RORB: variants seen among roughly 807,000 people sequenced by gnomAD.
The protein encoded by RORB is nuclear receptor ROR-beta.
In RORB, 6 loss-of-function variants were observed where a neutral mutation model predicts 59.1. The ratio of observed to expected loss-of-function variants is 0.10; its 90% confidence interval spans 0.06 to 0.20. The LOEUF (loss-of-function observed/expected upper bound fraction) is 0.20. Ranked by LOEUF, RORB falls within the 10% of genes least tolerant of loss-of-function variation. RORB has a pLI of 1.00. For synonymous variants in RORB, 215 were observed against 204.5 expected, an observed-to-expected ratio of 1.05 and a Z score of -0.44; for missense variants, 320 against 560.5, an observed-to-expected ratio of 0.57 and a Z score of 4.33.
At position 74,521,777 on chromosome 9, in the gene RORB, G is replaced by A. The variant is rs540415279; in HGVS notation, c.7+23794G>A. Among the ~76,000 whole-genome samples, 9 of 151,818 alleles carry A rather than the reference G, an allele frequency of 5.9e-5. No homozygotes were observed. The South Asian group carries it at 1.7e-3, about 28-fold the overall frequency. ...TATCACTGAATACAGTACCTGTCACGAGTGTCTGTTAAATGAAAGCACCAA... is the reference window on the plus strand; with the variant it reads ...TATCACTGAATACAGTACCTGTCACAAGTGTCTGTTAAATGAAAGCACCAA... On this transcript the variant is annotated intron_variant, in intron 1 of 9. Coordinates refer to ENST00000376896, the MANE Select transcript of RORB (RefSeq NM_006914.4).
At chr9:74,553,455 G>GT (rs1196964295) in intron 1 of RORB, among the ~76,000 whole-genome samples, 3 of 152,038 alleles carry the variant, frequency 2.0e-5, no homozygotes, top group African/African-American at 7.2e-5. Flanking sequence ...ATCAGTAACA[G>GT]AACTATAACC....
At position 74,684,653 on chromosome 9, in the gene RORB, T is replaced by C. The variant is rs571604375; in HGVS notation, c.1225-810T>C. Among the ~76,000 whole-genome samples, 27 of 152,304 alleles carry C rather than the reference T, an allele frequency of 1.8e-4. No individual in the cohort carries two copies. The South Asian group carries it at 5.6e-3, about 32-fold the overall frequency. ...AAAAAATTACATCTTACATGATACA[T>C]ATATCAAAACCTAACAATTGTAAGT... On this transcript the variant is annotated intron_variant, in intron 9 of 9. Coordinates refer to ENST00000376896, the MANE Select transcript of RORB (RefSeq NM_006914.4).
At chr9:74,635,104 G>A (rs1823679771) in intron 3 of RORB, among the ~76,000 whole-genome samples, 1 of 152,156 alleles carries the variant, frequency 6.6e-6, no homozygotes, top group South Asian at 2.1e-4. Context: ...GACTTTCAGA[G>A]ATAATACCGG....
chr9:74,537,697 T>TA (rs1826341312), intron 1 of RORB, among the ~76,000 whole-genome samples: 1 of 152,002 alleles, frequency 6.6e-6, no homozygotes, highest in Non-Finnish European at 1.5e-5. Context: ...ATAGAAATAA[T>TA]AAAAAGATGT....
At chr9:74,498,393 C>G (rs899948448) in intron 1 of RORB, 8 of 167,156 alleles carry the variant, frequency 4.8e-5, no homozygotes, top group African/African-American at 4.8e-5. Context: ...TTTGGGCGCG[C>G]GGGGCGCACC....
intron 1 of RORB, among the ~76,000 whole-genome samples, chr9:74,580,330 T>C (rs1255328377): frequency 1.3e-5 from 2 of 152,186 alleles, no homozygotes; most frequent in Non-Finnish European, 2.9e-5. Context: ...TACAGTTGAA[T>C]GTTTTTCTAT....
At chr9:74,661,190 A>G (rs1163008463) in intron 5 of RORB, among the ~76,000 whole-genome samples, 1 of 152,202 alleles carries the variant, frequency 6.6e-6, no homozygotes, top group Non-Finnish European at 1.5e-5. Context: ...TGTTAAAAAG[A>G]ATCCAAAAAA....
intron 8 of RORB, among the ~76,000 whole-genome samples, chr9:74,668,628 A>G (rs553381790): frequency 6.6e-6 from 1 of 152,320 alleles, no homozygotes; most frequent in South Asian, 2.1e-4. Context: ...TAAGCTAGAG[A>G]AAAGAAAATG....
At chr9:74,670,649 G>T (rs186341836) in intron 8 of RORB, among the ~76,000 whole-genome samples, 2 of 152,208 alleles carry the variant, frequency 1.3e-5, no homozygotes, top group East Asian at 3.9e-4. Flanking sequence ...TGCCACCCTG[G>T]CTTAGTGCCA....
chr9:74,684,391 A>T (rs150533896), intron 9 of RORB, among the ~76,000 whole-genome samples: 13 of 152,214 alleles, frequency 8.5e-5, no homozygotes, highest in Non-Finnish European at 1.9e-4. Context: ...GTGTGTCTTT[A>T]GTCAGCCATA....
At chr9:74,592,575 G>A (rs140874469) in intron 1 of RORB, among the ~76,000 whole-genome samples, 2 of 152,274 alleles carry the variant, frequency 1.3e-5, no homozygotes, top group African/African-American at 4.8e-5. Flanking sequence ...ATGATCTGAA[G>A]AGCCAGACCC....
chr9:74,684,459 A>G (rs775286206), intron 9 of RORB, among the ~76,000 whole-genome samples: 10 of 151,190 alleles, frequency 6.6e-5, no homozygotes, highest in Non-Finnish European at 1.5e-4. Context: ...CATATCTCTC[A>G]CAATAATTTA....
intron 4 of RORB, among the ~76,000 whole-genome samples, chr9:74,646,298 T>C (rs982847620): frequency 4.6e-5 from 7 of 152,148 alleles, no homozygotes; most frequent in African/African-American, 1.7e-4. Flanking sequence ...CCAGTCCATA[T>C]AGACTAAGAT....
intron 1 of RORB, among the ~76,000 whole-genome samples, chr9:74,584,222 T>C (rs959655237): frequency 1.3e-5 from 2 of 152,216 alleles, no homozygotes; most frequent in Non-Finnish European, 2.9e-5. Flanking sequence ...GTGGGTTTTG[T>C]TGTAGCTTTT....
intron 9 of RORB, among the ~76,000 whole-genome samples, chr9:74,678,746 A>G (rs1027752094): frequency 6.6e-6 from 1 of 152,140 alleles, no homozygotes; most frequent in African/African-American, 2.4e-5. Context: ...ATGATTAATA[A>G]TGGGATGGGC....
At chr9:74,515,541 A>G (rs1220595462) in intron 1 of RORB, among the ~76,000 whole-genome samples, 2 of 152,014 alleles carry the variant, frequency 1.3e-5, no homozygotes, top group Non-Finnish European at 2.9e-5. Flanking sequence ...ATTTTCTCAA[A>G]CTTTACACAT....
At chr9:74,644,513 C>T (rs973080766) in intron 4 of RORB, among the ~76,000 whole-genome samples, 2 of 152,078 alleles carry the variant, frequency 1.3e-5, no homozygotes, top group African/African-American at 4.8e-5. Context: ...AATGACAGAG[C>T]CAGGGTTCAC....
chr9:74,516,085 C>T (rs1826004670), intron 1 of RORB, among the ~76,000 whole-genome samples: 1 of 152,218 alleles, frequency 6.6e-6, no homozygotes, highest in East Asian at 1.9e-4. Context: ...GGAAGTAAAG[C>T]AGTCCAGGTA....
chr9:74,633,033 G>A (rs1163777696), intron 2 of RORB, among the ~76,000 whole-genome samples: 1 of 152,260 alleles, frequency 6.6e-6, no homozygotes, highest in East Asian at 1.9e-4. Context: ...CTCTCTCTCT[G>A]AGGAGATGCT....
Sources: gnomAD v4.1 joint callset for allele counts (sites outside exome capture counted in the v4.1 genomes callset) on GRCh38, gnomAD v4.1.1 for gene constraint, MANE v1.5 for transcripts, NCBI Gene and HGNC (gene_info 2026-07-23, HGNC 2026-07-21) for gene names.